Variants in PCDH15 observed in about 807,000 individuals in gnomAD.
PCDH15 encodes protocadherin related 15, also known as protocadherin-15.
Under a neutral mutation model 178.5 loss-of-function variants are expected in PCDH15, and 129 were observed. The ratio of observed to expected loss-of-function variants is 0.72; its 90% CI spans 0.63 to 0.84. The LOEUF (loss-of-function observed/expected upper bound fraction) is 0.84, where lower values mean the gene tolerates loss of function less well. PCDH15 is among the 40% of genes least tolerant of loss of function. PCDH15 has a pLI of 0.00. For synonymous variants in PCDH15, 800 were observed against 732.0 expected, an observed-to-expected ratio of 1.09 and a Z score of -1.50; for missense variants, 2,230 against 2,099.9, an observed-to-expected ratio of 1.06 and a Z score of -1.21.
intron 8 of PCDH15, among the ~76,000 whole-genome samples, chr10:54,284,967 A>C (rs2058943658): frequency 6.6e-6 from 1 of 152,208 alleles, no homozygotes; most frequent in South Asian, 2.1e-4. Flanking sequence ...CATCCATGAA[A>C]ATAATACAAG....
chr10:55,415,351 C>T (rs576499724), intron 2 of PCDH15, among the ~76,000 whole-genome samples: 7 of 151,532 alleles, frequency 4.6e-5, no homozygotes, highest in Non-Finnish European at 1.0e-4. Flanking sequence ...TAAAATAATC[C>T]TTTTTAATTT....
intron 1 of PCDH15, among the ~76,000 whole-genome samples, chr10:54,783,844 C>T (rs1025334126): frequency 6.6e-6 from 1 of 152,040 alleles, no homozygotes; most frequent in Admixed American, 6.6e-5. Flanking sequence ...TCAGACTTTA[C>T]CAATTGTATT....
In PCDH15 at chr10:55,385,649, C is replaced by T. The variant is rs565961466; in HGVS notation, c.-155-218998G>A. On this transcript the variant is annotated intron_variant, in intron 2 of 5. Transcript: ENST00000613346. ...ACTAAAGGCTGCTTGCAACAGATTC[C>T]CTCTGTCTCTGCCTGTCTAGCCCAC... Among the ~76,000 whole-genome samples the T allele has an allele frequency of 1.3e-3, 194 of 145,374 alleles. 1 individual carries two copies. Among genetic ancestry groups the T allele is most frequent in the African/African-American group, 4.6e-3 (181 of 39,750 alleles).
intron 2 of PCDH15, among the ~76,000 whole-genome samples, chr10:55,083,368 T>A (rs1591889193): frequency 1.3e-5 from 2 of 151,820 alleles, no homozygotes; most frequent in African/African-American, 4.8e-5. Context: ...CATTATTTTA[T>A]AATTTAAAAA....
chr10:54,789,006 A>G (rs1253915982), intron 1 of PCDH15, among the ~76,000 whole-genome samples: 2 of 151,884 alleles, frequency 1.3e-5, no homozygotes, highest in African/African-American at 2.4e-5. Flanking sequence ...CATGAGAATA[A>G]TACTAACTAC....
At chr10:54,447,680 A>G (rs1165544195) in intron 3 of PCDH15, among the ~76,000 whole-genome samples, 1 of 151,742 alleles carries the variant, frequency 6.6e-6, no homozygotes, top group Non-Finnish European at 1.5e-5. Flanking sequence ...TAAAGGGTCA[A>G]ATGGTAGTAA....
intron 3 of PCDH15, among the ~76,000 whole-genome samples, chr10:54,853,289 G>GTATATATATATATA (rs71014423): frequency 1.4e-3 from 148 of 102,470 alleles, no homozygotes; most frequent in Non-Finnish European, 1.5e-3. Flanking sequence ...ATGTATGTGT[G>GTATATATATATATA]TATATATATA....
chr10:54,538,901 C>G (rs1379041761), intron 2 of PCDH15, among the ~76,000 whole-genome samples: 2 of 152,074 alleles, frequency 1.3e-5, no homozygotes, highest in Non-Finnish European at 2.9e-5. Flanking sequence ...ATTGCTTTGT[C>G]TATTTGGGTT....
intron 3 of PCDH15, among the ~76,000 whole-genome samples, chr10:54,475,885 T>TTA (rs1304564958): frequency 7.3e-5 from 11 of 150,174 alleles, no homozygotes; most frequent in Admixed American, 5.3e-4. Flanking sequence ...CCTTAACCCA[T>TTA]TATATATATA....
At chr10:54,829,882 T>C (rs556257241) in intron 3 of PCDH15, among the ~76,000 whole-genome samples, 1 of 152,248 alleles carries the variant, frequency 6.6e-6, no homozygotes, top group East Asian at 1.9e-4. Flanking sequence ...TTATGCACTA[T>C]CACATCAATG....
chr10:54,125,211 G>C (rs12254237), intron 15 of PCDH15, among the ~76,000 whole-genome samples: 1 of 151,512 alleles, frequency 6.6e-6, no homozygotes, highest in Non-Finnish European at 1.5e-5. Context: ...TCTGTTTCTC[G>C]TCATTTTCTA....
intron 2 of PCDH15, among the ~76,000 whole-genome samples, chr10:55,437,726 T>A (rs368260143): frequency 5.9e-5 from 9 of 151,740 alleles, no homozygotes; most frequent in Non-Finnish European, 1.2e-4. Flanking sequence ...ACAACACAAA[T>A]GTGTGTAAAG....
chr10:54,804,507 T>A (rs2133720695), upstream of PCDH15, among the ~76,000 whole-genome samples: 1 of 152,226 alleles, frequency 6.6e-6, no homozygotes, highest in East Asian at 1.9e-4. Context: ...CATGGATTTT[T>A]ATTTCTTAAA....
At chr10:53,992,820 C>T (rs912300522) in intron 21 of PCDH15, among the ~76,000 whole-genome samples, 1 of 152,112 alleles carries the variant, frequency 6.6e-6, no homozygotes, top group Non-Finnish European at 1.5e-5. Context: ...AAAAGAGATC[C>T]TCTCAGCTTC....
intron 1 of PCDH15, among the ~76,000 whole-genome samples, chr10:54,753,187 G>T (rs1026104562): frequency 6.6e-5 from 10 of 151,896 alleles, no homozygotes; most frequent in Non-Finnish European, 1.2e-4. Flanking sequence ...ATAGAGACGT[G>T]ATTTTTTTTT....
intron 2 of PCDH15, among the ~76,000 whole-genome samples, chr10:54,624,435 T>C (rs1160287819): frequency 6.6e-6 from 1 of 152,196 alleles, no homozygotes; most frequent in African/African-American, 2.4e-5. Flanking sequence ...AGAAACAAAG[T>C]CAGACACTTG....
At chr10:54,108,017 G>T (rs530882924) in intron 15 of PCDH15, among the ~76,000 whole-genome samples, 20 of 152,122 alleles carry the variant, frequency 1.3e-4, no homozygotes, top group Admixed American at 9.2e-4. Flanking sequence ...TGTTGAGTTA[G>T]GGAATAATGA....
At chr10:54,907,749 T>C (rs183518979) in intron 2 of PCDH15, among the ~76,000 whole-genome samples, 1 of 152,306 alleles carries the variant, frequency 6.6e-6, no homozygotes, top group East Asian at 1.9e-4. Context: ...TATTGCAATA[T>C]TGTGATCTAG....
chr10:54,188,052 C>T (rs972877037), intron 11 of PCDH15, among the ~76,000 whole-genome samples: 2 of 151,684 alleles, frequency 1.3e-5, no homozygotes, highest in African/African-American at 4.8e-5. Context: ...ACCAACTAAC[C>T]TATTGTTTTG....
Sources: gnomAD v4.1 joint callset for allele counts (sites outside exome capture counted in the v4.1 genomes callset) on GRCh38, gnomAD v4.1.1 for gene constraint, MANE v1.5 for transcripts, NCBI Gene and HGNC (gene_info 2026-07-23, HGNC 2026-07-21) for gene names.